PKD1L1: variants seen among roughly 807,000 people sequenced by gnomAD.
The protein encoded by PKD1L1 is polycystin-1-like protein 1.
In PKD1L1, 236 loss-of-function variants were observed where a neutral mutation model predicts 323.4. The ratio of observed to expected loss-of-function variants is 0.73; its 90% CI spans 0.66 to 0.81. The LOEUF is 0.81. Ranked by LOEUF, PKD1L1 falls within the 40% of genes least tolerant of loss-of-function variation. The pLI, the probability that PKD1L1 is intolerant of heterozygous loss-of-function variation, is 0.00. For missense variants in PKD1L1, 3,320 were observed against 3,508.0 expected (o/e 0.95, Z 1.35); for synonymous variants, 1,344 against 1,335.0 (o/e 1.01, Z -0.15).
Position 47,858,701 on chromosome 7 carries a change from C to T in PKD1L1, c.4334G>A (p.Gly1445Glu), listed in dbSNP as rs1785956050. Residue 1445 changes from glycine to glutamate, a missense_variant, in exon 27 of 57, where the codon GGA becomes GAA. Coordinates refer to ENST00000289672, the MANE Select transcript of PKD1L1 (RefSeq NM_138295.5). Reference sequence around the variant, plus strand: ...CAATAAATCTGAGATGACTGTAATTCCTTCTTCATGTCGATAGACTTCCTC... The same window carrying T: ...CAATAAATCTGAGATGACTGTAATTTCTTCTTCATGTCGATAGACTTCCTC... ...SKEEVYRHEEGITVISDLLLG... is the reference protein window; with the variant it reads ...SKEEVYRHEEEITVISDLLLG... The T allele has an allele frequency of 6.2e-7, 1 of 1,613,754 alleles. No individual in the cohort carries two copies. The highest frequency in any genetic ancestry group is 1.3e-5 in the African/African-American group (1 of 75,022).
chr7:47,801,053 A>C (rs891466006), intron 53 of PKD1L1, among the ~76,000 whole-genome samples, 174 bp from the exon 54 acceptor site: 3 of 151,858 alleles, frequency 2.0e-5, no homozygotes, highest in African/African-American at 7.3e-5. Context: ...CCTCTCACCC[A>C]TCTCCCAGGC....
chr7:47,870,243 A>T (rs1562966172), intron 24 of PKD1L1, among the ~76,000 whole-genome samples: 1 of 152,144 alleles, frequency 6.6e-6, no homozygotes, highest in Non-Finnish European at 1.5e-5. Context: ...AAAGAATAAA[A>T]ATTAGTGTAG....
At chr7:47,914,028 T>C (rs185701002) in intron 8 of PKD1L1, among the ~76,000 whole-genome samples, 13 of 151,886 alleles carry the variant, frequency 8.6e-5, no homozygotes, top group East Asian at 1.9e-4. Flanking sequence ...ATGAGTAAAA[T>C]TGGTGATAAA....
At chr7:47,790,995 C>G (rs995091001) in intron 56 of PKD1L1, among the ~76,000 whole-genome samples, 4 of 152,130 alleles carry the variant, frequency 2.6e-5, no homozygotes, top group Non-Finnish European at 5.9e-5. Flanking sequence ...CTTGGCCTCC[C>G]AGATGCTGGG....
intron 14 of PKD1L1, among the ~76,000 whole-genome samples, chr7:47,894,792 A>G (rs1038879650): frequency 4.7e-5 from 7 of 148,638 alleles, no homozygotes; most frequent in Non-Finnish European, 7.4e-5. Flanking sequence ...CCAGAGGGGG[A>G]GGTTGCAGTG....
At chr7:47,820,323 A>C (rs1296914267) in intron 46 of PKD1L1, among the ~76,000 whole-genome samples, 1 of 152,330 alleles carries the variant, frequency 6.6e-6, no homozygotes, top group Middle Eastern at 3.4e-3. Flanking sequence ...TCTGCTTTAC[A>C]CTTTTCAGTT....
chr7:47,821,004 T>C, intron 46 of PKD1L1, 72 bp downstream of exon 46: 1 of 872,676 alleles, frequency 1.1e-6, no homozygotes, highest in South Asian at 1.6e-5. Flanking sequence ...ATGTGAAACA[T>C]GGGGAAGGTG....
intron 54 of PKD1L1, among the ~76,000 whole-genome samples, chr7:47,798,154 C>T (rs2128725157): frequency 6.6e-6 from 1 of 152,266 alleles, no homozygotes; most frequent in Admixed American, 6.5e-5. Flanking sequence ...CAGAACAAAG[C>T]TGGAGGACTC....
chr7:47,902,044 GAAAAGAAAAGAAAA>G (rs1430010548), intron 13 of PKD1L1, among the ~76,000 whole-genome samples: 1 of 149,018 alleles, frequency 6.7e-6, no homozygotes, highest in Non-Finnish European at 1.5e-5. Context: ...GAAAAGAAAA[GAAAAGAAAAGAAAA>G]AAAAGAAAAG....
chr7:47,890,964 C>T (rs996208830), intron 15 of PKD1L1, among the ~76,000 whole-genome samples: 2 of 152,172 alleles, frequency 1.3e-5, no homozygotes, highest in African/African-American at 2.4e-5. Flanking sequence ...GGGGTGGGCT[C>T]AGGCCACCCC....
In PKD1L1 at chr7:47,876,079, AC is replaced by A; in HGVS notation, c.3784+17del. ...TAGGTTGGCACAGCTAGTGACTCCA[AC>A]TGGCACCATAGCTTACCTTTGTAAT... On this transcript the variant is annotated intron_variant, in intron 23 of 56. Coordinates refer to ENST00000289672, the MANE Select transcript of PKD1L1 (RefSeq NM_138295.5). 1 of 1,612,530 alleles carries A rather than the reference AC, an allele frequency of 6.2e-7. No homozygotes were observed. The highest frequency in any genetic ancestry group is 8.5e-7 in the Non-Finnish European group (1 of 1,179,068).
Position 47,884,597 on chromosome 7 carries a change from C to T in PKD1L1, c.3265+1G>A, listed in dbSNP as rs1293590061. 2 of 1,613,572 alleles carry T rather than the reference C, an allele frequency of 1.2e-6. No individual in the cohort carries two copies. Among genetic ancestry groups the T allele is most frequent in the Non-Finnish European group, 1.7e-6 (2 of 1,179,634 alleles). ...GGCAGCAGGCATAGAAGCACAGTCACCTGGCTGTCTTCCTCCCGATGGTAT... is the reference window on the plus strand; with the variant it reads ...GGCAGCAGGCATAGAAGCACAGTCATCTGGCTGTCTTCCTCCCGATGGTAT... On this transcript the variant is annotated splice_donor_variant, in intron 19 of 56. Coordinates refer to ENST00000289672, the MANE Select transcript of PKD1L1 (RefSeq NM_138295.5). LOFTEE classifies it high-confidence loss of function.
chr7:47,875,135 A>G (rs1440902924), intron 23 of PKD1L1, among the ~76,000 whole-genome samples: 2 of 152,246 alleles, frequency 1.3e-5, no homozygotes, highest in African/African-American at 4.8e-5. Context: ...AAAACTCAAG[A>G]TCAAACGGAG....
intron 23 of PKD1L1, 75 bp from the exon 24 acceptor site, chr7:47,874,085 C>A: frequency 1.1e-6 from 1 of 906,952 alleles, no homozygotes; most frequent in Non-Finnish European, 1.7e-6. Context: ...ACACAGACAG[C>A]ATCTTCTGGA....
chr7:47,872,428 G>A (rs533009922), intron 24 of PKD1L1, among the ~76,000 whole-genome samples: 1 of 152,296 alleles, frequency 6.6e-6, no homozygotes, highest in South Asian at 2.1e-4. Context: ...CATAGTACTG[G>A]TATGAGAAGA....
At chr7:47,868,221 T>C (rs1191884225) in intron 24 of PKD1L1, among the ~76,000 whole-genome samples, 1 of 151,678 alleles carries the variant, frequency 6.6e-6, no homozygotes. Flanking sequence ...TACAAAAAAT[T>C]AGCTGGGCGT....
At chr7:47,843,889 G>A (rs1235819194) in intron 33 of PKD1L1, among the ~76,000 whole-genome samples, 1 of 152,202 alleles carries the variant, frequency 6.6e-6, no homozygotes, top group Non-Finnish European at 1.5e-5. Flanking sequence ...TCTGCTCTTT[G>A]ATTTAATCTG....
rs1470859 is a variant in PKD1L1 at position 47,873,981 on chromosome 7, T to C, written c.3814A>G (p.Lys1272Glu). 1,357,932 of 1,610,144 alleles carry C rather than the reference T, an allele frequency of 0.84. 574,598 individuals are homozygous for C. Among genetic ancestry groups the C allele is most frequent in the East Asian group, 0.98 (43,935 of 44,852 alleles). Residue 1272 changes from lysine to glutamate, a missense_variant, in exon 24 of 57, where the codon AAA (lysine) becomes GAA (glutamate). Transcript: ENST00000289672. ...GTGCACGGCTGGACCTTGGAGCCTTTGCCATCTGTGATTTCAGTGGAAACC... is the reference window on the plus strand; with the variant it reads ...GTGCACGGCTGGACCTTGGAGCCTTCGCCATCTGTGATTTCAGTGGAAACC... The part of the protein sequence containing the change: ...VMVSTEITDG[K>E]GSKVQPCTVV...
Position 47,894,025 on chromosome 7 carries a change from T to C in PKD1L1, c.2306A>G (p.Tyr769Cys). 1 of 1,601,630 alleles carries C rather than the reference T, an allele frequency of 6.2e-7. No homozygotes were observed. The highest frequency in any genetic ancestry group is 8.5e-7 in the Non-Finnish European group (1 of 1,174,034). ...QIEGSVVYSN[Y>C]CVGLEVRAQA... ...GGCTCGCACCTCCAGGCCCACACAGTAGTTGCTGTACACCACACTGCCTTC... is the reference window on the plus strand; with the variant it reads ...GGCTCGCACCTCCAGGCCCACACAGCAGTTGCTGTACACCACACTGCCTTC... The change falls in exon 15 of 57, where the codon TAC (tyrosine) becomes TGC (cysteine). Residue 769 changes from tyrosine to cysteine, a missense_variant. Tyr to Cys is a radical substitution (Grantham distance 194). Coordinates refer to ENST00000289672, the MANE Select transcript of PKD1L1 (RefSeq NM_138295.5).
Sources: gnomAD v4.1 joint callset for allele counts (sites outside exome capture counted in the v4.1 genomes callset) on GRCh38, gnomAD v4.1.1 for gene constraint, MANE v1.5 for transcripts, NCBI Gene and HGNC (gene_info 2026-07-23, HGNC 2026-07-21) for gene names.